The following ST6GALNAC3 variants were observed in gnomAD, a reference collection of about 807,000 sequenced individuals.
ST6GALNAC3 encodes the protein alpha-N-acetylgalactosaminide alpha-2,6-sialyltransferase 3.
In ST6GALNAC3, 25 loss-of-function variants were observed where a neutral mutation model predicts 32.7. That is an observed-to-expected ratio of 0.76 (90% CI 0.56 to 1.07). The LOEUF is 1.07. Among genes scored for constraint, ST6GALNAC3 ranks in the 50% least tolerant of loss-of-function variants. The pLI, the probability that ST6GALNAC3 is intolerant of heterozygous loss-of-function variation, is 0.00. For missense variants in ST6GALNAC3, 355 were observed against 382.4 expected (o/e 0.93, Z 0.60); for synonymous variants, 129 against 133.1 (o/e 0.97, Z 0.21).
At chr1:76,618,052 A>C (rs1022393190) in intron 3 of ST6GALNAC3, among the ~76,000 whole-genome samples, 2 of 152,204 alleles carry the variant, frequency 1.3e-5, no homozygotes, top group Non-Finnish European at 2.9e-5. Context: ...CTAAAAATAC[A>C]ACTGCACATT....
intron 1 of ST6GALNAC3, among the ~76,000 whole-genome samples, chr1:76,161,595 A>T (rs1364833892): frequency 6.6e-6 from 1 of 152,220 alleles, no homozygotes; most frequent in East Asian, 1.9e-4. Flanking sequence ...ACTGAGATCT[A>T]AATTTATATT....
intron 3 of ST6GALNAC3, among the ~76,000 whole-genome samples, chr1:76,439,407 T>C (rs1417731938): frequency 6.6e-6 from 1 of 152,198 alleles, no homozygotes; most frequent in Admixed American, 6.5e-5. Context: ...AGGAAGTTTG[T>C]TTAAAAAGGT....
chr1:76,395,985 A>G (rs916809523), intron 2 of ST6GALNAC3, among the ~76,000 whole-genome samples: 5 of 152,208 alleles, frequency 3.3e-5, no homozygotes, highest in Admixed American at 3.3e-4. Context: ...TTCCCAACAC[A>G]TAGAAATGAA....
intron 2 of ST6GALNAC3, among the ~76,000 whole-genome samples, chr1:76,393,723 T>A (rs1351953316): frequency 1.3e-5 from 2 of 152,190 alleles, no homozygotes; most frequent in Non-Finnish European, 2.9e-5. Flanking sequence ...TTTCTCCCTA[T>A]AAAATGTGTG....
intron 1 of ST6GALNAC3, among the ~76,000 whole-genome samples, chr1:76,202,268 A>ATGCG (rs375529641): frequency 3.4e-5 from 5 of 145,434 alleles, no homozygotes; most frequent in East Asian, 4.2e-4. Flanking sequence ...GTGTGCATGC[A>ATGCG]TGTGTGTGTG....
At chr1:76,445,569 A>G (rs1183910602) in intron 3 of ST6GALNAC3, among the ~76,000 whole-genome samples, 1 of 152,236 alleles carries the variant, frequency 6.6e-6, no homozygotes, top group Non-Finnish European at 1.5e-5. Flanking sequence ...AGAACGAAAC[A>G]ATATGTACTA....
At chr1:76,393,408 G>A (rs1255509319) in intron 2 of ST6GALNAC3, among the ~76,000 whole-genome samples, 1 of 152,128 alleles carries the variant, frequency 6.6e-6, no homozygotes, top group Non-Finnish European at 1.5e-5. Context: ...TGAGTTAGAG[G>A]AATGATTTTA....
chr1:76,529,318 G>A (rs1368472707), intron 3 of ST6GALNAC3, among the ~76,000 whole-genome samples: 2 of 152,050 alleles, frequency 1.3e-5, no homozygotes, highest in African/African-American at 4.8e-5. Context: ...ATACCAGATG[G>A]TAGGGAGATC....
intron 1 of ST6GALNAC3, among the ~76,000 whole-genome samples, chr1:76,270,186 T>C (rs1374711166): frequency 1.3e-5 from 2 of 152,152 alleles, no homozygotes; most frequent in Admixed American, 1.3e-4. Flanking sequence ...AAATATCTCA[T>C]TGGGTATATT....
At chr1:76,325,503 A>G (rs1425354126) in intron 2 of ST6GALNAC3, among the ~76,000 whole-genome samples, 1 of 151,972 alleles carries the variant, frequency 6.6e-6, no homozygotes, top group Non-Finnish European at 1.5e-5. Flanking sequence ...AAAAGGTAGA[A>G]AGTAAATAAC....
rs371732876 is a variant in ST6GALNAC3 at position 76,592,807 on chromosome 1, C to A, written c.624-34645C>A. Among the ~76,000 whole-genome samples, 22 of 152,230 alleles carry A rather than the reference C, an allele frequency of 1.4e-4. No homozygotes were observed. The South Asian group carries it at 2.5e-3, about 17-fold the overall frequency. Reference sequence around the variant, plus strand: ...CAGGACAAGAAAACCAGAATAAATGCCAAGAGACATCTTGCCTTCTCTAGC... The same window carrying A: ...CAGGACAAGAAAACCAGAATAAATGACAAGAGACATCTTGCCTTCTCTAGC... On this transcript the variant is annotated intron_variant, in intron 3 of 4. Transcript: ENST00000328299.
At chr1:76,456,317 C>T (rs577182717) in intron 3 of ST6GALNAC3, among the ~76,000 whole-genome samples, 2 of 152,190 alleles carry the variant, frequency 1.3e-5, no homozygotes, top group South Asian at 2.1e-4. Context: ...TTTATATGGT[C>T]TCTTTTTTCG....
chr1:76,263,713 G>T (rs1658372870), intron 1 of ST6GALNAC3, among the ~76,000 whole-genome samples: 1 of 152,212 alleles, frequency 6.6e-6, no homozygotes, highest in South Asian at 2.1e-4. Context: ...TTGCTCCTCT[G>T]AACACTGTAT....
intron 3 of ST6GALNAC3, among the ~76,000 whole-genome samples, chr1:76,437,782 G>C (rs1188721294): frequency 6.6e-6 from 1 of 151,636 alleles, no homozygotes; most frequent in Non-Finnish European, 1.5e-5. Context: ...CACCATGTTG[G>C]CCAGGACGGT....
intron 3 of ST6GALNAC3, among the ~76,000 whole-genome samples, chr1:76,424,128 C>T (rs906865286): frequency 5.3e-5 from 8 of 151,958 alleles, no homozygotes; most frequent in African/African-American, 1.2e-4. Context: ...ATAGCAAACA[C>T]AGTTGGTTTT....
chr1:76,476,799 G>A (rs765272304), intron 3 of ST6GALNAC3, among the ~76,000 whole-genome samples: 17 of 152,072 alleles, frequency 1.1e-4, no homozygotes, highest in East Asian at 7.7e-4. Context: ...CTGGTCAGCC[G>A]GACCATCGCC....
At chr1:76,090,601 T>C (rs1647030992) in intron 1 of ST6GALNAC3, among the ~76,000 whole-genome samples, 1 of 152,208 alleles carries the variant, frequency 6.6e-6, no homozygotes, top group Non-Finnish European at 1.5e-5. Context: ...ATTTGGAATA[T>C]ATTACGATCT....
At chr1:76,161,881 A>T (rs2100380283) in intron 1 of ST6GALNAC3, among the ~76,000 whole-genome samples, 1 of 152,306 alleles carries the variant, frequency 6.6e-6, no homozygotes. Context: ...TTAATTCCAG[A>T]GTTTGCATTA....
chr1:76,294,372 C>T (rs1313449455), intron 1 of ST6GALNAC3, among the ~76,000 whole-genome samples: 1 of 150,290 alleles, frequency 6.7e-6, no homozygotes, highest in Non-Finnish European at 1.5e-5. Context: ...AAAAAAAAAA[C>T]CTTTGAAATA....
Sources: allele counts gnomAD v4.1 joint callset (sites outside exome capture counted in the v4.1 genomes callset), GRCh38; gene constraint gnomAD v4.1.1; transcripts MANE v1.5; gene names NCBI Gene and HGNC (gene_info 2026-07-23, HGNC 2026-07-21).